VPS13D: variants seen among roughly 807,000 people sequenced by gnomAD.
The protein encoded by VPS13D is vacuolar protein sorting 13 homolog D, also known as intermembrane lipid transfer protein VPS13D.
In VPS13D, 187 loss-of-function variants were observed where a neutral mutation model predicts 461.9. The observed-to-expected ratio is 0.40, with a 90% CI of 0.36 to 0.46. The LOEUF is 0.46. Ranked by LOEUF, VPS13D falls within the 20% of genes least tolerant of loss-of-function variation. VPS13D has a pLI of 0.60. For missense variants in VPS13D, 4,711 were observed against 5,364.9 expected (o/e 0.88, Z 3.81); for synonymous variants, 1,951 against 1,986.3 (o/e 0.98, Z 0.47).
At chr1:12,480,175 G>C (rs1016799283) in intron 67 of VPS13D, among the ~76,000 whole-genome samples, 3 of 152,206 alleles carry the variant, frequency 2.0e-5, no homozygotes, top group Non-Finnish European at 4.4e-5. Context: ...CAGTGTGCCA[G>C]TTTGTCACAG....
At chr1:12,347,270 A>G (rs973684430) in intron 44 of VPS13D, among the ~76,000 whole-genome samples, 1 of 151,966 alleles carries the variant, frequency 6.6e-6, no homozygotes, top group Non-Finnish European at 1.5e-5. Flanking sequence ...CCCCGGGTTC[A>G]AGCAATTCTC....
chr1:12,346,558 A>G (rs1410381990), intron 43 of VPS13D, 47 bp from the exon 44 acceptor site: 8 of 1,589,042 alleles, frequency 5.0e-6, no homozygotes, highest in Non-Finnish European at 6.8e-6. Context: ...TAACGTTGCT[A>G]ATTATCTTAA....
At position 12,253,649 on chromosome 1, in the gene VPS13D, T is replaced by TG. The variant is rs1640814256; in HGVS notation, c.565-71dup. The TG allele has an allele frequency of 4.3e-6, 5 of 1,171,792 alleles. No homozygotes were observed. In the South Asian group the frequency reaches 6.2e-5, roughly 15 times the overall value. 72.6% of individuals were successfully genotyped at this position (1,171,792 alleles called of 1,614,324 possible). ...TACCTGACACATGATTCTTTACAAATGGTTTGTTGAATGAATGACATTCAC... is the reference window on the plus strand; with the variant it reads ...TACCTGACACATGATTCTTTACAAATGGGTTTGTTGAATGAATGACATTCAC... On this transcript the variant is annotated intron_variant, in intron 6 of 69. Transcript: ENST00000620676.
At chr1:12,490,151 G>A (rs1040012651) in intron 67 of VPS13D, among the ~76,000 whole-genome samples, 1 of 152,226 alleles carries the variant, frequency 6.6e-6, no homozygotes, top group East Asian at 1.9e-4. Context: ...TTGAATAGGG[G>A]ACTGGAGGAG....
chr1:12,285,339 G>A (rs987604960), intron 21 of VPS13D, among the ~76,000 whole-genome samples: 1 of 148,302 alleles, frequency 6.7e-6, no homozygotes, highest in East Asian at 2.0e-4. Context: ...CGCCCAGGCT[G>A]GAGTGCAGTG....
At chr1:12,254,492 A>G (rs1050281146) in intron 7 of VPS13D, among the ~76,000 whole-genome samples, 9 of 150,774 alleles carry the variant, frequency 6.0e-5, no homozygotes, top group South Asian at 2.1e-4. Context: ...ATTGTTTGTG[A>G]AGGATTAAAA....
chr1:12,459,875 C>A (rs1476415574), intron 66 of VPS13D, among the ~76,000 whole-genome samples: 1 of 152,034 alleles, frequency 6.6e-6, no homozygotes, highest in Non-Finnish European at 1.5e-5. Context: ...TGTATCCTCT[C>A]CTGATCGTCC....
At chr1:12,434,479 T>C (rs777861981) in intron 65 of VPS13D, among the ~76,000 whole-genome samples, 1 of 152,138 alleles carries the variant, frequency 6.6e-6, no homozygotes, top group East Asian at 1.9e-4. Flanking sequence ...ATCTTGAAAA[T>C]ACTCAGTAGT....
rs1557652143 is a variant in VPS13D, at chr1:12,230,119, AG to A, written c.-77+1del. 6.6e-6 allele frequency: 1 copy of A among 151,724 alleles called. No individual in the cohort carries two copies. Among genetic ancestry groups the A allele is most frequent in the African/African-American group, 2.4e-5 (1 of 41,342 alleles). 9.4% of individuals were successfully genotyped at this position (151,724 alleles called of 1,614,324 possible). ...GGGGCGGGCGGCCCGGGACACCGAC[AG>A]GTAGGGGCCGAGCGGCTCCGTGCCG... On this transcript the variant is annotated splice_region_variant and 5_prime_UTR_variant, in exon 1 of 70. Transcript: ENST00000620676.
intron 35 of VPS13D, among the ~76,000 whole-genome samples, chr1:12,325,609 C>G (rs1248133207): frequency 3.9e-5 from 6 of 152,196 alleles, no homozygotes; most frequent in East Asian, 1.9e-4. Flanking sequence ...CACACACATG[C>G]ACACATTACA....
At chr1:12,437,480 T>G (rs978491758) in intron 65 of VPS13D, among the ~76,000 whole-genome samples, 7 of 152,212 alleles carry the variant, frequency 4.6e-5, no homozygotes. Flanking sequence ...TGACCCCATT[T>G]GACTGGCCAT....
At position 12,414,111 on chromosome 1, in the gene VPS13D, C is replaced by T. The variant is rs1054167334; in HGVS notation, c.12031-976C>T. 5.3e-5 allele frequency among the ~76,000 whole-genome samples: 8 copies of T among 152,202 alleles called. No homozygotes were observed. The East Asian group carries it at 9.7e-4, about 18-fold the overall frequency. On this transcript the variant is annotated intron_variant, in intron 63 of 69. Coordinates refer to ENST00000620676, the MANE Select transcript of VPS13D (RefSeq NM_015378.4). The stretch of plus-strand genomic sequence containing the variant: ...CCAGCCTGGGCAACATGGTGAAAAC[C>T]CTTCTCTACAAAAAATACAAAAATT...
chr1:12,338,333 T>A, intron 40 of VPS13D, 28 bp downstream of exon 40: 1 of 1,605,560 alleles, frequency 6.2e-7, no homozygotes, highest in South Asian at 1.1e-5. Flanking sequence ...GAGGGCTTGC[T>A]TTATTTTCCT....
intron 23 of VPS13D, 28 bp downstream of exon 23, chr1:12,291,152 G>C (rs760344439): frequency 6.2e-7 from 1 of 1,602,474 alleles, no homozygotes; most frequent in East Asian, 2.2e-5. Flanking sequence ...TTTCTGACTT[G>C]ATATTTTATC....
At chr1:12,338,378 T>G in intron 40 of VPS13D, 73 bp downstream of exon 40, 1 of 1,425,518 alleles carries the variant, frequency 7.0e-7, no homozygotes, top group Non-Finnish European at 9.8e-7. Flanking sequence ...AATTTTTTTT[T>G]TAATGAGTGG....
Position 12,475,483 on chromosome 1 carries a change from G to GCAGC in VPS13D, c.12662+15089_12662+15092dup, listed in dbSNP as rs150215750. Among the ~76,000 whole-genome samples the GCAGC allele has an allele frequency of 4.3e-3, 655 of 152,324 alleles. 3 individuals are homozygous for GCAGC. Among genetic ancestry groups the GCAGC allele is most frequent in the African/African-American group, 0.015 (631 of 41,568 alleles). On this transcript the variant is annotated intron_variant, in intron 67 of 69. Coordinates refer to ENST00000620676, the MANE Select transcript of VPS13D (RefSeq NM_015378.4). ...AGAAAAAGCCCATGCAGAATATATG[G>GCAGC]CAGCCCGATAATGGATTCTAAAAAT...
Position 12,276,878 on chromosome 1 carries a change from A to G in VPS13D, c.3290A>G (p.Asp1097Gly). The change falls in exon 19 of 70, where the codon GAC becomes GGC. Residue 1097 changes from aspartate (D) to glycine (G), a missense_variant. By Grantham distance (94) the Asp-to-Gly change is moderately conservative. Coordinates refer to ENST00000620676, the MANE Select transcript of VPS13D (RefSeq NM_015378.4). This position sits in a 1 kb window ranked among gnomAD's most constrained non-coding sequence, Gnocchi z 4.5. ...TCAGAGTGCCCATCGATGAATTTAG[A>G]CAGTACTCTTCAGGTGATTTCCCTA... is the stretch of plus-strand genomic sequence containing the variant. ...VSSECPSMNL[D>G]STLQVISLQV... The G allele has an allele frequency of 1.2e-6, 2 of 1,614,200 alleles. No homozygotes were observed. Among genetic ancestry groups the G allele is most frequent in the Non-Finnish European group, 1.7e-6 (2 of 1,180,028 alleles).
At chr1:12,310,110 AG>A (rs1381964135) in intron 27 of VPS13D, among the ~76,000 whole-genome samples, 1 of 152,148 alleles carries the variant, frequency 6.6e-6, no homozygotes, top group Non-Finnish European at 1.5e-5. Context: ...ACAAAAAAAA[AG>A]CTTTCCTATT....
At chr1:12,239,338 C>T (rs540933500) in intron 2 of VPS13D, among the ~76,000 whole-genome samples, 7 of 152,160 alleles carry the variant, frequency 4.6e-5, no homozygotes, top group South Asian at 2.1e-4. Context: ...GGGGTTTTAC[C>T]ATGTTGCCAA....
Sources: allele counts gnomAD v4.1 joint callset (sites outside exome capture counted in the v4.1 genomes callset), GRCh38; gene constraint gnomAD v4.1.1; non-coding constraint Gnocchi (gnomAD v3.1); transcripts MANE v1.5; gene names NCBI Gene and HGNC (gene_info 2026-07-23, HGNC 2026-07-21).